SLC16A7: variants seen among roughly 807,000 people sequenced by gnomAD.
SLC16A7 encodes the protein solute carrier family 16 member 7, also known as monocarboxylate transporter 2.
A neutral mutation model predicts 34.9 loss-of-function variants in SLC16A7; 33 were observed. The ratio of observed to expected loss-of-function variants is 0.94; its 90% CI spans 0.72 to 1.26. The LOEUF (loss-of-function observed/expected upper bound fraction) is 1.26. SLC16A7 is among the 50% of genes most tolerant of loss of function. The pLI is 0.00. For missense variants in SLC16A7, 573 were observed against 578.1 expected (o/e 0.99, Z 0.09); for synonymous variants, 201 against 206.6 (o/e 0.97, Z 0.23).
intron 2 of SLC16A7, among the ~76,000 whole-genome samples, chr12:59,686,267 G>A (rs1348579270): frequency 6.6e-6 from 1 of 151,716 alleles, no homozygotes; most frequent in African/African-American, 2.4e-5. Context: ...TAAGACAGCC[G>A]ATAAGAGAAC....
At chr12:59,733,906 GCTGGTAATCCTGA>G (rs1400655668) in intron 3 of SLC16A7, 5 of 445,562 alleles carry the variant, frequency 1.1e-5, no homozygotes, top group African/African-American at 2.0e-5. Context: ...CCTTCCCACA[GCTGGTAATCCTGA>G]CGTCTGTGTG....
intron 3 of SLC16A7, among the ~76,000 whole-genome samples, chr12:59,747,354 T>C: frequency 6.6e-6 from 1 of 152,230 alleles, no homozygotes; most frequent in East Asian, 1.9e-4. Context: ...AAATTGTTAT[T>C]TAATGCAAAA....
At chr12:59,751,675 G>T (rs1414007872) in intron 3 of SLC16A7, among the ~76,000 whole-genome samples, 1 of 152,240 alleles carries the variant, frequency 6.6e-6, no homozygotes, top group Non-Finnish European at 1.5e-5. Flanking sequence ...TCTGGGAGCA[G>T]GGCACAGACA....
intron 3 of SLC16A7, among the ~76,000 whole-genome samples, chr12:59,744,999 T>G (rs1176390955): frequency 6.6e-5 from 10 of 152,198 alleles, no homozygotes; most frequent in African/African-American, 2.4e-4. Flanking sequence ...TGCTTCATTA[T>G]GAGAGCCTCA....
intron 1 of SLC16A7, chr12:59,597,184 G>A (rs1208283279): frequency 6.7e-6 from 1 of 149,550 alleles, no homozygotes; most frequent in African/African-American, 2.5e-5. Flanking sequence ...GGCTGAGGAG[G>A]GACTTCTGTA....
chr12:59,662,110 C>G (rs968667038), intron 2 of SLC16A7, among the ~76,000 whole-genome samples: 1 of 151,946 alleles, frequency 6.6e-6, no homozygotes, highest in African/African-American at 2.4e-5. Flanking sequence ...GATTAATTTA[C>G]TGCCGTTTTC....
Position 59,762,915 on chromosome 12 carries a change from T to A in SLC16A7, c.218-8304T>A, listed in dbSNP as rs542102488. Among the ~76,000 whole-genome samples the A allele has an allele frequency of 5.9e-5, 9 of 152,210 alleles. No homozygotes were observed. The East Asian group carries it at 1.2e-3, about 20-fold the overall frequency. ...GAAAAATGATAAATTCTGTATTCAA[T>A]CTACATTTGAACTTATATTTTTGTT... On this transcript the variant is annotated intron_variant, in intron 3 of 5. Transcript: ENST00000547379.
At chr12:59,599,108 A>G (rs1443951699) in intron 1 of SLC16A7, among the ~76,000 whole-genome samples, 1 of 152,210 alleles carries the variant, frequency 6.6e-6, no homozygotes, top group Non-Finnish European at 1.5e-5. Context: ...AAATAAGAGC[A>G]AAGACCTTAC....
chr12:59,622,088 T>C (rs540612619), intron 1 of SLC16A7, among the ~76,000 whole-genome samples: 1 of 151,958 alleles, frequency 6.6e-6, no homozygotes, highest in East Asian at 1.9e-4. Flanking sequence ...AGTATTCTGC[T>C]GTGTGCTCAA....
intron 3 of SLC16A7, among the ~76,000 whole-genome samples, chr12:59,764,556 C>T (rs933232886): frequency 1.5e-3 from 224 of 144,904 alleles, no homozygotes; most frequent in African/African-American, 5.5e-3. Flanking sequence ...TTGTTCAATT[C>T]CCACCTGTGA....
chr12:59,679,959 A>C (rs1465904321), intron 2 of SLC16A7, among the ~76,000 whole-genome samples: 1 of 152,202 alleles, frequency 6.6e-6, no homozygotes, highest in Non-Finnish European at 1.5e-5. Context: ...CAGCACAGTT[A>C]ATATTCCATA....
In SLC16A7 at chr12:59,605,808, T is replaced by C. The variant is rs573656306; in HGVS notation, c.-130+9572T>C. On this transcript the variant is annotated intron_variant, in intron 1 of 5. Transcript: ENST00000547379. ...ATTCTCTTTTCCTTTTTTCTCAATCTGTGTCACATGTCAGATCAGAGACTT... is the reference window on the plus strand; with the variant it reads ...ATTCTCTTTTCCTTTTTTCTCAATCCGTGTCACATGTCAGATCAGAGACTT... Among the ~76,000 whole-genome samples, 23 of 151,708 alleles carry C rather than the reference T, an allele frequency of 1.5e-4. No homozygotes were observed. The South Asian group carries it at 4.8e-3, about 31-fold the overall frequency.
chr12:59,638,258 C>A (rs939830852), intron 1 of SLC16A7, among the ~76,000 whole-genome samples: 12 of 152,020 alleles, frequency 7.9e-5, no homozygotes, highest in Non-Finnish European at 1.8e-4. Flanking sequence ...CAGGAAGGGG[C>A]AAGATCTTTC....
At chr12:59,689,950 A>T (rs1232569593) in intron 2 of SLC16A7, among the ~76,000 whole-genome samples, 12 of 152,018 alleles carry the variant, frequency 7.9e-5, no homozygotes, top group Admixed American at 7.9e-4. Flanking sequence ...GATAAGTGGA[A>T]TTCCAGGCTC....
chr12:59,610,645 T>C (rs1233025914), intron 1 of SLC16A7, among the ~76,000 whole-genome samples: 1 of 152,196 alleles, frequency 6.6e-6, no homozygotes, highest in African/African-American at 2.4e-5. Flanking sequence ...TTAAACCTAT[T>C]CCAGAAGAGT....
At chr12:59,735,051 T>C (rs1242047375) in intron 3 of SLC16A7, among the ~76,000 whole-genome samples, 2 of 152,218 alleles carry the variant, frequency 1.3e-5, no homozygotes, top group African/African-American at 4.8e-5. Context: ...TGAAATTGTC[T>C]TTTATAGCTT....
At chr12:59,763,704 T>C (rs1430871095) in intron 3 of SLC16A7, among the ~76,000 whole-genome samples, 1 of 152,176 alleles carries the variant, frequency 6.6e-6, no homozygotes, top group Non-Finnish European at 1.5e-5. Flanking sequence ...AACCCTGCCT[T>C]CAGAAACTCT....
intron 3 of SLC16A7, among the ~76,000 whole-genome samples, chr12:59,731,603 G>A (rs551089846): frequency 3.3e-5 from 5 of 152,210 alleles, no homozygotes; most frequent in African/African-American, 1.2e-4. Context: ...TCCAGTCTTC[G>A]TTATTTTCTA....
intron 2 of SLC16A7, among the ~76,000 whole-genome samples, chr12:59,658,583 T>G (rs952379756): frequency 6.6e-6 from 1 of 152,024 alleles, no homozygotes; most frequent in African/African-American, 2.4e-5. Flanking sequence ...TCTTTGCCTT[T>G]CCATGCCTTT....
Sources: gnomAD v4.1 joint callset for allele counts (sites outside exome capture counted in the v4.1 genomes callset) on GRCh38, gnomAD v4.1.1 for gene constraint, MANE v1.5 for transcripts, NCBI Gene and HGNC (gene_info 2026-07-23, HGNC 2026-07-21) for gene names.